COL4A1: variants seen among roughly 807,000 people sequenced by gnomAD.
The protein encoded by COL4A1 is collagen alpha-1(IV) chain.
In COL4A1, 40 loss-of-function variants were observed where a neutral mutation model predicts 216.6. The ratio of observed to expected loss-of-function variants is 0.18; its 90% CI spans 0.14 to 0.24. COL4A1 has a LOEUF of 0.24. Ranked by LOEUF, COL4A1 falls within the 10% of genes least tolerant of loss-of-function variation. COL4A1 has a pLI of 1.00. For synonymous variants in COL4A1, 839 were observed against 810.7 expected (o/e 1.03, Z -0.59); for missense variants, 1,628 against 2,196.8 (o/e 0.74, Z 5.18).
intron 1 of COL4A1, among the ~76,000 whole-genome samples, chr13:110,260,408 G>A (rs749389001): frequency 6.6e-6 from 1 of 152,154 alleles, no homozygotes; most frequent in Non-Finnish European, 1.5e-5. Flanking sequence ...ATTTAAGGTG[G>A]GATGTGGGTG....
chr13:110,219,942 G>GTATATATATGTGTATA (rs1228791731), intron 2 of COL4A1, among the ~76,000 whole-genome samples: 1 of 85,806 alleles, frequency 1.2e-5, no homozygotes, highest in African/African-American at 4.1e-5. Flanking sequence ...ATATGTGTGT[G>GTATATATATGTGTATA]TATATATACA....
At chr13:110,252,502 T>C (rs1300657001) in intron 1 of COL4A1, among the ~76,000 whole-genome samples, 43 of 3,128 alleles carry the variant, frequency 0.014, 6 homozygotes, top group African/African-American at 0.015. Flanking sequence ...ATTATACGTA[T>C]ATATGTATTA....
intron 1 of COL4A1, among the ~76,000 whole-genome samples, chr13:110,284,299 A>G (rs988270057): frequency 1.3e-5 from 2 of 152,146 alleles, no homozygotes; most frequent in African/African-American, 4.8e-5. Context: ...GAATCTGGGA[A>G]CCCACAAGCC....
At chr13:110,166,150 A>G (rs1877324236) in intron 45 of COL4A1, 82 bp downstream of exon 45, 8 of 854,848 alleles carry the variant, frequency 9.4e-6, no homozygotes, top group Admixed American at 8.5e-5. Context: ...GAAAAACCAA[A>G]CACCCCAATT....
chr13:110,237,747 T>C (rs1310802031), intron 2 of COL4A1, among the ~76,000 whole-genome samples: 1 of 152,222 alleles, frequency 6.6e-6, no homozygotes, highest in African/African-American at 2.4e-5. Flanking sequence ...GCAGCAGCTA[T>C]AGCCAAATGT....
intron 1 of COL4A1, among the ~76,000 whole-genome samples, chr13:110,292,344 A>G (rs533806170): frequency 6.6e-6 from 1 of 152,280 alleles, no homozygotes; most frequent in Admixed American, 6.5e-5. Context: ...TTTGCATATC[A>G]TCTCAAGGGG....
chr13:110,240,984 C>T (rs1459896453), intron 2 of COL4A1, among the ~76,000 whole-genome samples: 1 of 152,186 alleles, frequency 6.6e-6, no homozygotes, highest in African/African-American at 2.4e-5. Flanking sequence ...ATTCTCCTGT[C>T]TCAACCTCCT....
intron 49 of COL4A1, 124 bp downstream of exon 49, chr13:110,161,068 A>C: frequency 9.5e-7 from 1 of 1,056,702 alleles, no homozygotes; most frequent in Non-Finnish European, 1.4e-6. Context: ...CTCGAATATC[A>C]CAAATAATAA....
intron 19 of COL4A1, 91 bp downstream of exon 19, chr13:110,201,345 GGA>G (rs1879214950): frequency 1.2e-6 from 1 of 804,112 alleles, no homozygotes; most frequent in Non-Finnish European, 2.0e-6. Flanking sequence ...AGGAGGAACA[GGA>G]GGAGGAGGAG....
intron 30 of COL4A1, 110 bp from the exon 31 acceptor site, chr13:110,179,146 G>A (rs1449752280): frequency 2.6e-6 from 4 of 1,542,114 alleles, no homozygotes; most frequent in Non-Finnish European, 3.6e-6. Context: ...CGAGCTCTAG[G>A]CCTCTAAGAT....
At chr13:110,217,131 C>A (rs1179379806) in intron 2 of COL4A1, among the ~76,000 whole-genome samples, 2 of 152,036 alleles carry the variant, frequency 1.3e-5, no homozygotes, top group Non-Finnish European at 2.9e-5. Flanking sequence ...TACTCTGTAC[C>A]CTGTCCAAGG....
At chr13:110,217,338 A>C (rs1880135939) in intron 2 of COL4A1, among the ~76,000 whole-genome samples, 1 of 152,188 alleles carries the variant, frequency 6.6e-6, no homozygotes, top group Non-Finnish European at 1.5e-5. Flanking sequence ...TCCAAGCCAG[A>C]CTTTGCAGCT....
At chr13:110,152,871 G>T (rs1876574909) in intron 50 of COL4A1, among the ~76,000 whole-genome samples, 1 of 152,218 alleles carries the variant, frequency 6.6e-6, no homozygotes, top group East Asian at 1.9e-4. Context: ...TTCAAATAAT[G>T]TTGTAAACAA....
chr13:110,269,290 T>C (rs931218732), intron 1 of COL4A1, among the ~76,000 whole-genome samples: 2 of 152,158 alleles, frequency 1.3e-5, no homozygotes, highest in Non-Finnish European at 2.9e-5. Flanking sequence ...TTTAATAATA[T>C]AGGAAAATGT....
At chr13:110,275,766 C>T (rs1193071) in intron 1 of COL4A1, among the ~76,000 whole-genome samples, 102,288 of 151,978 alleles carry the variant, frequency 0.67, 34,615 homozygotes, top group South Asian at 0.7. Context: ...ACCTCAAATG[C>T]ATATTACTAA....
intron 2 of COL4A1, among the ~76,000 whole-genome samples, chr13:110,236,646 G>A (rs894593864): frequency 1.3e-5 from 2 of 152,142 alleles, no homozygotes; most frequent in African/African-American, 2.4e-5. Context: ...CAGTGAAGAC[G>A]ACCAGCCTTC....
intron 2 of COL4A1, among the ~76,000 whole-genome samples, chr13:110,229,668 A>G (rs1009154923): frequency 2.6e-5 from 4 of 152,178 alleles, no homozygotes; most frequent in African/African-American, 7.2e-5. Context: ...GACCCCAGAG[A>G]GAGCCCCCGC....
chr13:110,201,077 G>A (rs577799068), intron 19 of COL4A1, among the ~76,000 whole-genome samples, 188 bp from the exon 20 acceptor site: 163 of 152,232 alleles, frequency 1.1e-3, no homozygotes, highest in East Asian at 4.7e-3. Context: ...AAGCTACAGC[G>A]AAGGGCTCCT....
intron 23 of COL4A1, 150 bp from the exon 24 acceptor site, chr13:110,192,434 A>G (rs1257395368): frequency 1.2e-6 from 1 of 806,922 alleles, no homozygotes; most frequent in Non-Finnish European, 2.1e-6. Flanking sequence ...AAAATGCCCA[A>G]GACGGACTCA....
Sources: gnomAD v4.1 joint callset for allele counts (sites outside exome capture counted in the v4.1 genomes callset) on GRCh38, gnomAD v4.1.1 for gene constraint, MANE v1.5 for transcripts, NCBI Gene and HGNC (gene_info 2026-07-23, HGNC 2026-07-21) for gene names.